PTDSS2: variants seen among roughly 807,000 people sequenced by gnomAD.
The protein encoded by PTDSS2 is phosphatidylserine synthase 2.
In PTDSS2, 41 loss-of-function variants were observed where a neutral mutation model predicts 64.7. That is an observed-to-expected ratio of 0.63 (90% CI 0.49 to 0.82). PTDSS2 has a LOEUF of 0.82. Among genes scored for constraint, PTDSS2 ranks in the 40% least tolerant of loss-of-function variants. PTDSS2 has a pLI of 0.00. For synonymous variants in PTDSS2, 297 were observed against 277.8 expected (o/e 1.07, Z -0.69); for missense variants, 485 against 650.0 (o/e 0.75, Z 2.76).
intron 1 of PTDSS2, among the ~76,000 whole-genome samples, chr11:456,053 G>GC (rs1343471875): frequency 6.6e-6 from 1 of 152,198 alleles, no homozygotes; most frequent in Non-Finnish European, 1.5e-5. Flanking sequence ...AGGTGCCCTG[G>GC]CCCGGGGCAC....
chr11:459,804 T>C, intron 1 of PTDSS2: 1 of 209,184 alleles, frequency 4.8e-6, no homozygotes, highest in Non-Finnish European at 9.8e-6. Flanking sequence ...TGTTATTTCA[T>C]GAACCCAAAG....
Position 450,322 on chromosome 11 carries a change from T to C in PTDSS2, c.-134T>C. ...TTTACTGGCCGGCCCCGCGCTGCTC[T>C]CCTAAGACCCCGCGGGCCAGCGCCG... On this transcript the variant is annotated 5_prime_UTR_variant, in exon 1 of 12. Coordinates refer to ENST00000308020, the MANE Select transcript of PTDSS2 (RefSeq NM_030783.3). The C allele has an allele frequency of 1.3e-6, 1 of 748,026 alleles. No individual in the cohort carries two copies. Among genetic ancestry groups the C allele is most frequent in the Non-Finnish European group, 1.8e-6 (1 of 552,110 alleles). The allele number at this position is 748,026 out of a possible 1,614,324, so 46.3% of individuals were successfully genotyped here.
rs1490226690 is a variant in PTDSS2 at position 482,261 on chromosome 11, C to T, written c.435+3109C>T. ...TTTTTGAGACGGAGTCTTGCTCTGT[C>T]GCCCAGGCTGGAGTGCAGTGGCACG... On this transcript the variant is annotated intron_variant, in intron 4 of 11. Transcript: ENST00000308020. 6.5e-4 allele frequency among the ~76,000 whole-genome samples: 83 copies of T among 127,516 alleles called. 1 individual carries two copies. The highest frequency in any genetic ancestry group is 5.7e-3 in the Middle Eastern group (1 of 176). The allele number at this position is 127,516 out of a possible 152,430, so 83.7% of individuals were successfully genotyped here.
chr11:456,189 T>TTTTC (rs1368690744), intron 1 of PTDSS2, among the ~76,000 whole-genome samples: 2 of 148,512 alleles, frequency 1.3e-5, no homozygotes, highest in Admixed American at 1.3e-4. Flanking sequence ...TTTTTTTTTT[T>TTTTC]TGAGACAGAA....
At position 476,283 on chromosome 11, in the gene PTDSS2, A is replaced by G. The variant is rs1037457855; in HGVS notation, c.367+2306A>G. On this transcript the variant is annotated intron_variant, in intron 3 of 11. Coordinates refer to ENST00000308020, the MANE Select transcript of PTDSS2 (RefSeq NM_030783.3). The surrounding 1 kb of genome is among the most constrained non-coding windows in gnomAD (Gnocchi z 4.9). The stretch of plus-strand genomic sequence containing the variant: ...TCCTCAGCAGAGCCGTGGAAGGTGC[A>G]GTGATGGTGAGAAACTGCCCGTCAC... Among the ~76,000 whole-genome samples the G allele has an allele frequency of 1.3e-5, 2 of 152,120 alleles. No homozygotes were observed. Among genetic ancestry groups the G allele is most frequent in the Non-Finnish European group, 2.9e-5 (2 of 68,034 alleles).
Position 470,611 on chromosome 11 carries a change from A to G in PTDSS2, c.285-3284A>G, listed in dbSNP as rs1847382805. 1.3e-5 allele frequency among the ~76,000 whole-genome samples: 2 copies of G among 152,032 alleles called. No individual in the cohort carries two copies. The highest frequency in any genetic ancestry group is 2.9e-5 in the Non-Finnish European group (2 of 67,998). On this transcript the variant is annotated intron_variant, in intron 2 of 11. Coordinates refer to ENST00000308020, the MANE Select transcript of PTDSS2 (RefSeq NM_030783.3). This position sits in a 1 kb window ranked among gnomAD's most constrained non-coding sequence, Gnocchi z 5.3. ...TGTTTATTTTATTTTATTTTTTGAG[A>G]CAGAGTATCACTGTGTCACCCAGGC...
intron 4 of PTDSS2, 87 bp from the exon 5 acceptor site, chr11:486,852 A>T: frequency 6.7e-7 from 1 of 1,496,238 alleles, no homozygotes; most frequent in Non-Finnish European, 8.9e-7. Flanking sequence ...CATCTCAAAA[A>T]AATAAAATAA....
intron 1 of PTDSS2, among the ~76,000 whole-genome samples, chr11:452,286 TA>T (rs1421128564): frequency 1.3e-5 from 2 of 152,222 alleles, no homozygotes; most frequent in East Asian, 3.8e-4. Flanking sequence ...AGCAGAGAAC[TA>T]AACAAGAAGC....
rs200165874 is a variant in PTDSS2, at chr11:488,666, G to A, written c.854+19G>A. ...CCTACAAGTACGTCGTGGGGGCTGC[G>A]AGGGCAGGGCCGGGTGGGGGTTACC... On this transcript the variant is annotated intron_variant, in intron 8 of 11. Coordinates refer to ENST00000308020, the MANE Select transcript of PTDSS2 (RefSeq NM_030783.3). The A allele has an allele frequency of 4.8e-5, 75 of 1,578,718 alleles. No individual in the cohort carries two copies. The highest frequency in any genetic ancestry group is 1.7e-4 in the Middle Eastern group (1 of 6,000).
At chr11:480,258 C>T (rs1412055022) in intron 4 of PTDSS2, 4 of 138,662 alleles carry the variant, frequency 2.9e-5, no homozygotes, top group African/African-American at 8.5e-5. Flanking sequence ...ATGCGGTGTG[C>T]AGCCTCTTCC....
In PTDSS2 at chr11:470,332, T is replaced by G. The variant is rs954159324; in HGVS notation, c.285-3563T>G. On this transcript the variant is annotated intron_variant, in intron 2 of 11. Transcript: ENST00000308020. This position sits in a 1 kb window ranked among gnomAD's most constrained non-coding sequence, Gnocchi z 5.3. ...GGCCATGCAGAGGCATAGTCGACCA[T>G]CTCACTAAGGAACATTCCACAGAAT... Among the ~76,000 whole-genome samples, 3 of 152,152 alleles carry G rather than the reference T, an allele frequency of 2.0e-5. No individual in the cohort carries two copies. The highest frequency in any genetic ancestry group is 7.2e-5 in the African/African-American group (3 of 41,434).
At chr11:483,344 G>A (rs35908275) in intron 4 of PTDSS2, among the ~76,000 whole-genome samples, 1 of 146,086 alleles carries the variant, frequency 6.8e-6, no homozygotes. Context: ...TCTCCCTACC[G>A]AGTGCAGAAA....
At chr11:464,721 G>A (rs1454575846) in intron 2 of PTDSS2, among the ~76,000 whole-genome samples, 1 of 152,218 alleles carries the variant, frequency 6.6e-6, no homozygotes, top group Non-Finnish European at 1.5e-5. Flanking sequence ...GACCCTGGGG[G>A]AGAGTCCAGC....
intron 2 of PTDSS2, among the ~76,000 whole-genome samples, chr11:472,541 C>T (rs1009862488): frequency 6.6e-6 from 1 of 152,180 alleles, no homozygotes; most frequent in African/African-American, 2.4e-5. Context: ...GTGAGACCCT[C>T]AGGGCTCTGG....
At chr11:463,118 G>C (rs982224342) in intron 2 of PTDSS2, 10 of 149,794 alleles carry the variant, frequency 6.7e-5, no homozygotes, top group African/African-American at 2.5e-4. Context: ...AGTGAGCTGA[G>C]ATCGCACTAC....
chr11:464,666 G>A (rs772814927), intron 2 of PTDSS2, among the ~76,000 whole-genome samples: 32 of 152,344 alleles, frequency 2.1e-4, no homozygotes, highest in East Asian at 5.8e-4. Flanking sequence ...GGGAGCTTCC[G>A]TTGCGTGGAC....
At chr11:449,369 G>A (rs1212223769), upstream of PTDSS2, among the ~76,000 whole-genome samples, 1 of 152,138 alleles carries the variant, frequency 6.6e-6, no homozygotes, top group Non-Finnish European at 1.5e-5. Flanking sequence ...CGCCCGGCCT[G>A]CCTAGCATAA....
intron 2 of PTDSS2, among the ~76,000 whole-genome samples, chr11:465,000 A>G (rs763599478): frequency 3.3e-5 from 5 of 152,198 alleles, no homozygotes; most frequent in Non-Finnish European, 5.9e-5. Flanking sequence ...ACAGGCGCGC[A>G]CGACTGCAGG....
At chr11:484,943 G>A (rs546957453) in intron 4 of PTDSS2, among the ~76,000 whole-genome samples, 140 of 145,906 alleles carry the variant, frequency 9.6e-4, no homozygotes, top group African/African-American at 3.4e-3. Flanking sequence ...GCACGGGCGC[G>A]TGTGTGCTCA....
Sources: gnomAD v4.1 joint callset for allele counts (sites outside exome capture counted in the v4.1 genomes callset) on GRCh38, gnomAD v4.1.1 for gene constraint, Gnocchi (gnomAD v3.1) non-coding constraint, MANE v1.5 for transcripts, NCBI Gene and HGNC (gene_info 2026-07-23, HGNC 2026-07-21) for gene names.